Variants in FHIT observed in about 807,000 individuals in gnomAD.
The protein encoded by FHIT is fragile histidine triad diadenosine triphosphatase, also known as bis(5'-adenosyl)-triphosphatase.
A neutral mutation model predicts 17.9 loss-of-function variants in FHIT; 19 were observed. That is an observed-to-expected ratio of 1.06 (90% CI 0.74 to 1.56). FHIT has a LOEUF of 1.56. Among genes scored for constraint, FHIT ranks in the 40% most tolerant of loss-of-function variants. FHIT has a pLI of 0.00. For synonymous variants in FHIT, 81 were observed against 69.7 expected, an observed-to-expected ratio of 1.16 and a Z score of -0.81; for missense variants, 248 against 189.2, an observed-to-expected ratio of 1.31 and a Z score of -1.82.
Position 61,101,886 on chromosome 3 carries a change from A to AT in FHIT, c.-163-59788dup, listed in dbSNP as rs376785002. ...ATAATGGTGTGTAGGAATGCTTGTGATTTTTGCGCATTGATTTTCTATCCT... is the reference window on the plus strand; with the variant it reads ...ATAATGGTGTGTAGGAATGCTTGTGATTTTTTGCGCATTGATTTTCTATCCT... On this transcript the variant is annotated intron_variant, in intron 2 of 9. Coordinates refer to ENST00000492590, the MANE Select transcript of FHIT (RefSeq NM_002012.4). 3.1e-3 allele frequency among the ~76,000 whole-genome samples: 466 copies of AT among 152,178 alleles called. 4 individuals are homozygous for AT. Among genetic ancestry groups the AT allele is most frequent in the African/African-American group, 0.011 (439 of 41,514 alleles).
intron 5 of FHIT, among the ~76,000 whole-genome samples, chr3:60,111,717 A>T (rs982054113): frequency 2.0e-5 from 3 of 152,190 alleles, no homozygotes; most frequent in Non-Finnish European, 4.4e-5. Flanking sequence ...CCCACTGAAG[A>T]AGTAAGAAAA....
intron 5 of FHIT, among the ~76,000 whole-genome samples, chr3:60,337,024 A>G (rs757554569): frequency 7.9e-5 from 12 of 152,260 alleles, no homozygotes; most frequent in Non-Finnish European, 5.9e-5. Context: ...ACTTGCCACG[A>G]CCACACACAA....
At chr3:60,673,033 T>C (rs2107845958) in intron 4 of FHIT, among the ~76,000 whole-genome samples, 1 of 152,280 alleles carries the variant, frequency 6.6e-6, no homozygotes, top group East Asian at 1.9e-4. Flanking sequence ...CATTATGCTG[T>C]CACATGTTTT....
intron 4 of FHIT, among the ~76,000 whole-genome samples, chr3:60,566,708 C>A (rs1405840853): frequency 1.3e-5 from 2 of 152,198 alleles, no homozygotes; most frequent in African/African-American, 2.4e-5. Flanking sequence ...ATCTAGAAAA[C>A]CCCATTGTCT....
At chr3:60,327,552 G>C (rs1468575178) in intron 5 of FHIT, among the ~76,000 whole-genome samples, 2 of 152,210 alleles carry the variant, frequency 1.3e-5, no homozygotes, top group East Asian at 1.9e-4. Flanking sequence ...CTCCATTGTA[G>C]ACCATGTCTT....
chr3:60,501,105 C>T (rs1429090816), intron 5 of FHIT, among the ~76,000 whole-genome samples: 2 of 152,142 alleles, frequency 1.3e-5, no homozygotes, highest in Non-Finnish European at 2.9e-5. Flanking sequence ...GACTAACAGG[C>T]TAATCTGTGA....
At chr3:61,035,824 T>C (rs2033210861) in intron 3 of FHIT, among the ~76,000 whole-genome samples, 1 of 152,208 alleles carries the variant, frequency 6.6e-6, no homozygotes, top group African/African-American at 2.4e-5. Flanking sequence ...CTGCTTTTAC[T>C]CTAGTTAGTC....
chr3:60,854,631 C>G (rs1472205116), intron 3 of FHIT, among the ~76,000 whole-genome samples: 1 of 149,884 alleles, frequency 6.7e-6, no homozygotes, highest in African/African-American at 2.4e-5. Flanking sequence ...GCTGGATCTC[C>G]AAGTTTGACA....
At chr3:60,042,111 T>C (rs2106836639) in intron 5 of FHIT, among the ~76,000 whole-genome samples, 1 of 152,316 alleles carries the variant, frequency 6.6e-6, no homozygotes, top group African/African-American at 2.4e-5. Flanking sequence ...CAAAAACGCA[T>C]CTCTTGCAGA....
intron 3 of FHIT, among the ~76,000 whole-genome samples, chr3:60,984,344 C>G (rs1710624831): frequency 6.6e-6 from 1 of 152,182 alleles, no homozygotes; most frequent in Non-Finnish European, 1.5e-5. Context: ...TAAGCTTTGA[C>G]ATTAATTACA....
At position 60,366,862 on chromosome 3, in the gene FHIT, G is replaced by A. The variant is rs114457961; in HGVS notation, c.103+169998C>T. On this transcript the variant is annotated intron_variant, in intron 5 of 9. Transcript: ENST00000492590. Reference sequence around the variant, plus strand: ...ACCCTACCAAAGTCAGAAAGGCTAAGGGACTAGCTGAGGCTCTGATTCCTA... The same window carrying A: ...ACCCTACCAAAGTCAGAAAGGCTAAAGGACTAGCTGAGGCTCTGATTCCTA... Among the ~76,000 whole-genome samples, 551 of 152,278 alleles carry A rather than the reference G, an allele frequency of 3.6e-3. 7 individuals carry two copies. Among genetic ancestry groups the A allele is most frequent in the African/African-American group, 0.013 (532 of 41,558 alleles).
At chr3:60,850,121 G>A (rs1308308134) in intron 3 of FHIT, among the ~76,000 whole-genome samples, 7 of 152,002 alleles carry the variant, frequency 4.6e-5, no homozygotes, top group Non-Finnish European at 1.0e-4. Context: ...CTATTTGCTT[G>A]AGGGGGCATT....
chr3:60,229,620 G>A (rs1704393440), intron 5 of FHIT, among the ~76,000 whole-genome samples: 3 of 151,976 alleles, frequency 2.0e-5, no homozygotes, highest in African/African-American at 4.8e-5. Context: ...TTCCTATCAG[G>A]GAAAATCCAG....
chr3:60,122,688 G>GCA (rs1274211094), intron 5 of FHIT, among the ~76,000 whole-genome samples: 10 of 152,158 alleles, frequency 6.6e-5, no homozygotes, highest in African/African-American at 2.4e-4. Context: ...AGAAACTTTG[G>GCA]CTGGGGAGAG....
chr3:60,040,651 C>T (rs959029813), intron 5 of FHIT, among the ~76,000 whole-genome samples: 8 of 152,042 alleles, frequency 5.3e-5, no homozygotes, highest in South Asian at 2.1e-4. Flanking sequence ...AAGAGAACTG[C>T]GGAGGCTAAG....
At chr3:60,192,782 C>T (rs1702465049) in intron 5 of FHIT, among the ~76,000 whole-genome samples, 1 of 152,194 alleles carries the variant, frequency 6.6e-6, no homozygotes, top group Non-Finnish European at 1.5e-5. Context: ...GAAAGCAGAA[C>T]TGATAACTAC....
At chr3:60,500,283 T>C (rs2034469790) in intron 5 of FHIT, among the ~76,000 whole-genome samples, 1 of 152,186 alleles carries the variant, frequency 6.6e-6, no homozygotes. Context: ...CCAGAAAAGA[T>C]TTACAGAAAA....
intron 3 of FHIT, among the ~76,000 whole-genome samples, chr3:60,987,943 C>A (rs2029868167): frequency 6.6e-6 from 1 of 152,148 alleles, no homozygotes; most frequent in Non-Finnish European, 1.5e-5. Flanking sequence ...TTAGGCTCTG[C>A]CTTCTTTTCC....
At chr3:60,090,023 C>T (rs1293707783) in intron 5 of FHIT, among the ~76,000 whole-genome samples, 1 of 152,156 alleles carries the variant, frequency 6.6e-6, no homozygotes, top group Non-Finnish European at 1.5e-5. Context: ...GATCTAAATG[C>T]TTTACATATA....
Sources: allele counts gnomAD v4.1 joint callset (sites outside exome capture counted in the v4.1 genomes callset), GRCh38; gene constraint gnomAD v4.1.1; transcripts MANE v1.5; gene names NCBI Gene and HGNC (gene_info 2026-07-23, HGNC 2026-07-21).